The following PTPN20 variants were observed in gnomAD, a reference collection of about 807,000 sequenced individuals.
The protein encoded by PTPN20 is tyrosine-protein phosphatase non-receptor type 20.
Under a neutral mutation model 35.0 loss-of-function variants are expected in PTPN20, and 9 were observed. The ratio of observed to expected loss-of-function variants is 0.26; its 90% CI spans 0.15 to 0.45. The LOEUF (loss-of-function observed/expected upper bound fraction) is 0.45. PTPN20 is among the 20% of genes least tolerant of loss of function. PTPN20 has a pLI of 1.00. For missense variants in PTPN20, 111 were observed against 312.5 expected (o/e 0.36, Z 4.86); for synonymous variants, 32 against 100.2 (o/e 0.32, Z 4.06).
Position 47,000,658 on chromosome 10 carries a change from T to TGA in PTPN20, c.1198-18_1198-17insGA. 6.2e-7 allele frequency: 1 copy of TGA among 1,611,832 alleles called. No individual in the cohort carries two copies. The highest frequency in any genetic ancestry group is 8.5e-7 in the Non-Finnish European group (1 of 1,178,566). On this transcript the variant is annotated splice_polypyrimidine_tract_variant and intron_variant, in intron 10 of 10. Coordinates refer to ENST00000374339, the MANE Select transcript of PTPN20 (RefSeq NM_001042357.5). The stretch of plus-strand genomic sequence containing the variant: ...CAATTACTTAACATTCTGTTGTTTT[T>TGA]TATATATATGTATATAGGAGCAGTA...
Position 46,984,443 on chromosome 10 carries a change from A to G in PTPN20, c.797A>G (p.Tyr266Cys). 1 of 1,611,660 alleles carries G rather than the reference A, an allele frequency of 6.2e-7. No individual in the cohort carries two copies. Among genetic ancestry groups the G allele is most frequent in the Non-Finnish European group, 8.5e-7 (1 of 1,179,734 alleles). The change falls in exon 8 of 11, where the codon TAC (tyrosine) becomes TGC (cysteine). Residue 266 changes from tyrosine to cysteine, a missense_variant. Physicochemically the swap from Tyr to Cys is radical, Grantham distance 194 (BLOSUM62 -2). Coordinates refer to ENST00000374339, the MANE Select transcript of PTPN20 (RefSeq NM_001042357.5). Reference protein sequence around the residue: ...REIEGGIIKCYHYWPISLKKP... With the variant: ...REIEGGIIKCCHYWPISLKKP... ...ATAGAAGGTGGAATTATCAAATGCT[A>G]CCATTACTGGCCCATTTCTCTGAAG...
chr10:46,967,567 G>T (rs1473921088), intron 6 of PTPN20, among the ~76,000 whole-genome samples: 135 of 149,730 alleles, frequency 9.0e-4, no homozygotes, highest in Middle Eastern at 3.4e-3. Context: ...TATATTTTTT[G>T]TTTATATGTT....
rs1240486713 is a variant in PTPN20, at chr10:46,945,719, G to A, written c.228-844G>A. ...CAAATGAAAGTGCAACAAGAGCCAA[G>A]TTAATAGCATTAGCGAGTCAGTTGA... On this transcript the variant is annotated intron_variant, in intron 4 of 10. Transcript: ENST00000374339. 4.0e-5 allele frequency among the ~76,000 whole-genome samples: 6 copies of A among 151,818 alleles called. No individual in the cohort carries two copies. The South Asian group carries it at 1.3e-3, about 32-fold the overall frequency.
At chr10:46,980,034 C>T in intron 7 of PTPN20, among the ~76,000 whole-genome samples, 1 of 150,454 alleles carries the variant, frequency 6.6e-6, no homozygotes, top group East Asian at 2.1e-4. Context: ...ATGCTTTAGT[C>T]TTATTTGTCT....
At chr10:46,949,509 C>G (rs1249523169) in intron 5 of PTPN20, among the ~76,000 whole-genome samples, 2 of 152,036 alleles carry the variant, frequency 1.3e-5, no homozygotes, top group Non-Finnish European at 2.9e-5. Flanking sequence ...CTTGGTTGCC[C>G]TGCAACCTCA....
At chr10:46,952,441 C>T (rs1198024403) in intron 5 of PTPN20, among the ~76,000 whole-genome samples, 1 of 145,766 alleles carries the variant, frequency 6.9e-6, no homozygotes, top group Non-Finnish European at 1.5e-5. Flanking sequence ...CCAACTGATT[C>T]ACATTCCCTT....
chr10:46,957,289 G>A (rs1398800438), intron 5 of PTPN20, among the ~76,000 whole-genome samples: 1 of 151,206 alleles, frequency 6.6e-6, no homozygotes, highest in Non-Finnish European at 1.5e-5. Context: ...TCAAATAGAA[G>A]TGGCAAAAGT....
chr10:46,995,883 G>GT (rs1363949079), intron 9 of PTPN20, among the ~76,000 whole-genome samples: 3 of 151,972 alleles, frequency 2.0e-5, no homozygotes, highest in East Asian at 1.9e-4. Context: ...CCTACTTAGA[G>GT]TTTTTTTCCC....
At chr10:46,991,874 C>T (rs1279162788) in intron 9 of PTPN20, among the ~76,000 whole-genome samples, 1 of 152,074 alleles carries the variant, frequency 6.6e-6, no homozygotes, top group Non-Finnish European at 1.5e-5. Flanking sequence ...TTTGCATTGA[C>T]CTTGGTGAAT....
downstream of PTPN20, chr10:47,002,620 C>T (rs2060122982): frequency 1.3e-5 from 2 of 151,838 alleles, no homozygotes; most frequent in Non-Finnish European, 2.9e-5. Context: ...TTTTCATTGA[C>T]ACCTTTGTGA....
intron 9 of PTPN20, among the ~76,000 whole-genome samples, chr10:46,997,379 A>G (rs1231383661): frequency 6.9e-6 from 1 of 145,700 alleles, no homozygotes; most frequent in East Asian, 2.0e-4. Context: ...TTTTTTTTTT[A>G]GATTCTTTAG....
intron 1 of PTPN20, among the ~76,000 whole-genome samples, chr10:46,927,934 G>A (rs1472022183): frequency 6.6e-6 from 1 of 151,786 alleles, no homozygotes; most frequent in African/African-American, 2.4e-5. Context: ...GGTTCAGGAG[G>A]TTGGAGGGAA....
intron 4 of PTPN20, among the ~76,000 whole-genome samples, chr10:46,945,616 A>G (rs1458165695): frequency 6.6e-6 from 1 of 152,202 alleles, no homozygotes; most frequent in Non-Finnish European, 1.5e-5. Flanking sequence ...TTAAGTTTGT[A>G]TTTTAGGAAG....
chr10:47,002,402 G>GTC (rs1172907382), downstream of PTPN20: 1 of 151,898 alleles, frequency 6.6e-6, no homozygotes, highest in Admixed American at 6.6e-5. Flanking sequence ...TGTTAAACAT[G>GTC]TCTCTTCTTT....
chr10:46,940,880 G>A (rs1466990027), intron 3 of PTPN20, among the ~76,000 whole-genome samples, 163 bp downstream of exon 3: 3 of 151,810 alleles, frequency 2.0e-5, no homozygotes, highest in Non-Finnish European at 4.4e-5. Context: ...TTGAAAGAGT[G>A]GAATTTTTTG....
chr10:46,997,758 C>A (rs2059396223), intron 9 of PTPN20, among the ~76,000 whole-genome samples: 1 of 151,552 alleles, frequency 6.6e-6, no homozygotes, highest in African/African-American at 2.4e-5. Flanking sequence ...AAGACATGAA[C>A]AGACAGTTCA....
chr10:46,963,609 A>G (rs1400145119), intron 5 of PTPN20, among the ~76,000 whole-genome samples: 1 of 94,628 alleles, frequency 1.1e-5, no homozygotes, highest in Non-Finnish European at 1.9e-5. Flanking sequence ...AGGGTAGAAG[A>G]GAGGTTTGCT....
intron 9 of PTPN20, among the ~76,000 whole-genome samples, chr10:46,995,333 CT>C (rs878968027): frequency 7.1e-4 from 61 of 85,680 alleles, no homozygotes; most frequent in Admixed American, 2.6e-3. Flanking sequence ...TTTTTTTTTT[CT>C]TTTTTTTTTT....
intron 1 of PTPN20, among the ~76,000 whole-genome samples, chr10:46,925,757 T>C (rs1364488972): frequency 3.3e-5 from 5 of 151,612 alleles, no homozygotes; most frequent in South Asian, 2.1e-4. Flanking sequence ...CCATCACTAA[T>C]GGTCTTCAGT....
Sources: gnomAD v4.1 joint callset for allele counts (sites outside exome capture counted in the v4.1 genomes callset) on GRCh38, gnomAD v4.1.1 for gene constraint, MANE v1.5 for transcripts, NCBI Gene and HGNC (gene_info 2026-07-23, HGNC 2026-07-21) for gene names.